The following GRID1 variants were observed in gnomAD, a reference collection of about 807,000 sequenced individuals.
GRID1 encodes glutamate ionotropic receptor delta type subunit 1.
In GRID1, 28 loss-of-function variants were observed where a neutral mutation model predicts 98.0. The ratio of observed to expected loss-of-function variants is 0.29; its 90% CI spans 0.21 to 0.39. The LOEUF (loss-of-function observed/expected upper bound fraction) is 0.39. GRID1 is among the 10% of genes least tolerant of loss of function. The pLI is 1.00. For missense variants in GRID1, 1,111 were observed against 1,340.5 expected (o/e 0.83, Z 2.67); for synonymous variants, 553 against 538.5 (o/e 1.03, Z -0.37).
intron 6 of GRID1, among the ~76,000 whole-genome samples, chr10:85,866,357 T>C (rs1843221529): frequency 1.4e-5 from 2 of 146,922 alleles, no homozygotes; most frequent in South Asian, 4.4e-4. Flanking sequence ...AAACCCTGAA[T>C]GTACCTGTCC....
intron 13 of GRID1, among the ~76,000 whole-genome samples, chr10:85,621,791 T>A (rs534876871): frequency 2.6e-5 from 4 of 152,282 alleles, no homozygotes; most frequent in Admixed American, 2.6e-4. Context: ...TATAAATTTT[T>A]CCTGCTGGCA....
At chr10:85,661,321 C>T (rs1014147169) in intron 12 of GRID1, among the ~76,000 whole-genome samples, 1 of 152,140 alleles carries the variant, frequency 6.6e-6, no homozygotes, top group African/African-American at 2.4e-5. Flanking sequence ...CCTTTTCCTG[C>T]TGTGATATTT....
chr10:86,362,502 T>C (rs1848613121), intron 2 of GRID1, among the ~76,000 whole-genome samples: 1 of 152,134 alleles, frequency 6.6e-6, no homozygotes. Flanking sequence ...GCTCCCATAA[T>C]AGGCAGTGTT....
intron 4 of GRID1, among the ~76,000 whole-genome samples, chr10:85,944,128 G>A (rs527991249): frequency 1.3e-5 from 2 of 152,304 alleles, no homozygotes; most frequent in South Asian, 4.1e-4. Context: ...TAACTGACCA[G>A]TAGCTGACCA....
At chr10:85,761,948 T>G (rs1842151505) in intron 8 of GRID1, among the ~76,000 whole-genome samples, 1 of 152,186 alleles carries the variant, frequency 6.6e-6, no homozygotes, top group South Asian at 2.1e-4. Context: ...CAGGGAAACA[T>G]TGTTATCAGC....
intron 5 of GRID1, among the ~76,000 whole-genome samples, chr10:85,893,101 G>A (rs1402033690): frequency 2.0e-5 from 3 of 152,114 alleles, no homozygotes; most frequent in African/African-American, 7.2e-5. Context: ...AATCAATTTA[G>A]TTCTCCACCC....
intron 2 of GRID1, among the ~76,000 whole-genome samples, chr10:86,254,916 C>T (rs1183292840): frequency 2.0e-5 from 3 of 152,214 alleles, no homozygotes; most frequent in African/African-American, 7.2e-5. Context: ...CAGGGGAAAA[C>T]CTCCAGGACT....
At chr10:86,232,888 C>T (rs1190421882) in intron 2 of GRID1, among the ~76,000 whole-genome samples, 1 of 152,176 alleles carries the variant, frequency 6.6e-6, no homozygotes, top group East Asian at 1.9e-4. Flanking sequence ...CCTGCAACTT[C>T]AAGCTTTCCC....
At chr10:86,203,547 A>G (rs550928399) in intron 3 of GRID1, among the ~76,000 whole-genome samples, 33 of 151,292 alleles carry the variant, frequency 2.2e-4, no homozygotes, top group African/African-American at 8.0e-4. Context: ...AATTTTACAG[A>G]AAATGTGTAG....
chr10:85,666,274 A>G (rs1450936460), intron 12 of GRID1, among the ~76,000 whole-genome samples: 1 of 152,190 alleles, frequency 6.6e-6, no homozygotes, highest in African/African-American at 2.4e-5. Flanking sequence ...TTTGACTAAA[A>G]CCACACCCCT....
intron 12 of GRID1, among the ~76,000 whole-genome samples, chr10:85,677,351 C>G (rs979196513): frequency 6.6e-6 from 1 of 152,170 alleles, no homozygotes; most frequent in Non-Finnish European, 1.5e-5. Flanking sequence ...AAGGGACAGG[C>G]ATGAGGCATC....
intron 4 of GRID1, among the ~76,000 whole-genome samples, chr10:86,059,286 C>T (rs1317106542): frequency 6.6e-6 from 1 of 152,156 alleles, no homozygotes; most frequent in Non-Finnish European, 1.5e-5. Flanking sequence ...AGAGGGTAGA[C>T]AAAAGTAACC....
At chr10:86,215,572 A>T (rs1209345669) in intron 2 of GRID1, among the ~76,000 whole-genome samples, 1 of 152,134 alleles carries the variant, frequency 6.6e-6, no homozygotes, top group African/African-American at 2.4e-5. Context: ...CAGGACAGTG[A>T]TGAGTCCTGG....
At chr10:85,694,940 T>A (rs1360313469) in intron 12 of GRID1, among the ~76,000 whole-genome samples, 1 of 151,896 alleles carries the variant, frequency 6.6e-6, no homozygotes, top group African/African-American at 2.4e-5. Context: ...AAAGCTGCAC[T>A]TGTACCCCTT....
chr10:86,257,204 G>A (rs1846934301), intron 2 of GRID1, among the ~76,000 whole-genome samples: 1 of 152,224 alleles, frequency 6.6e-6, no homozygotes, highest in Admixed American at 6.5e-5. Context: ...CCTCTCTGAG[G>A]TGGGCTGGGT....
At chr10:86,165,305 C>T (rs866991415) in intron 3 of GRID1, among the ~76,000 whole-genome samples, 1 of 152,348 alleles carries the variant, frequency 6.6e-6, no homozygotes, top group South Asian at 2.1e-4. Context: ...TGTGTCAAAG[C>T]ATCTGCAAGT....
chr10:85,912,934 C>T (rs981523665), intron 5 of GRID1, among the ~76,000 whole-genome samples: 1 of 152,268 alleles, frequency 6.6e-6, no homozygotes, highest in East Asian at 1.9e-4. Flanking sequence ...AAAATGATAT[C>T]ACATTATAAT....
chr10:86,210,870 T>G (rs1846098078), intron 2 of GRID1, among the ~76,000 whole-genome samples: 2 of 152,240 alleles, frequency 1.3e-5, no homozygotes, highest in Admixed American at 6.5e-5. Flanking sequence ...ATTAGCTTAA[T>G]CAAGGTTGTG....
Position 86,198,348 on chromosome 10 carries a change from TC to T in GRID1, c.520+8015del, listed in dbSNP as rs757305327. On this transcript the variant is annotated intron_variant, in intron 3 of 15. Transcript: ENST00000327946. ...AGCTGACCCCCAAGCTCTCTCTGTT[TC>T]CCCAAGCACCAAGAACACAACCAAA... is the stretch of plus-strand genomic sequence containing the variant. Among the ~76,000 whole-genome samples, 17 of 151,990 alleles carry T rather than the reference TC, an allele frequency of 1.1e-4. 1 individual carries two copies. The highest frequency in any genetic ancestry group is 2.0e-4 in the Admixed American group (3 of 15,260).
Sources: gnomAD v4.1 joint callset for allele counts (sites outside exome capture counted in the v4.1 genomes callset) on GRCh38, gnomAD v4.1.1 for gene constraint, MANE v1.5 for transcripts, NCBI Gene and HGNC (gene_info 2026-07-23, HGNC 2026-07-21) for gene names.